The following TKTL1 variants were observed in gnomAD, a reference collection of about 807,000 sequenced individuals.
TKTL1 encodes the protein transketolase-like protein 1.
A neutral mutation model predicts 39.3 loss-of-function variants in TKTL1; 1 was observed. The observed-to-expected ratio is 0.03, with a 90% CI of 0.01 to 0.12. The LOEUF is 0.12. Among genes scored for constraint, TKTL1 ranks in the 10% least tolerant of loss-of-function variants. The pLI, the probability that TKTL1 is intolerant of heterozygous loss-of-function variation, is 1.00. For synonymous variants in TKTL1, 262 were observed against 193.8 expected (o/e 1.35, Z -2.92); for missense variants, 575 against 509.6 (o/e 1.13, Z -1.24).
At position 154,295,810 on chromosome X, in the gene TKTL1, G is replaced by A; in HGVS notation, c.-50G>A. On this transcript the variant is annotated 5_prime_UTR_variant, in exon 1 of 13. Coordinates refer to ENST00000369915, the MANE Select transcript of TKTL1 (RefSeq NM_012253.4). ...GCTCGCAGGCGCCATTCGCTCTTCA[G>A]ACGCCGGAGACGTAGGAGTGGGTCT... 1 of 1,188,849 alleles carries A rather than the reference G, an allele frequency of 8.4e-7. No homozygotes were observed. Among genetic ancestry groups the A allele is most frequent in the South Asian group, 1.9e-5 (1 of 54,039 alleles).
intron 1 of TKTL1, 64 bp downstream of exon 1, chrX:154,296,057 T>C (rs2067224675): frequency 8.6e-7 from 1 of 1,163,444 alleles, no homozygotes; most frequent in Non-Finnish European, 1.2e-6. Flanking sequence ...TCAGGCCTGG[T>C]GGCCATGAGG....
chrX:154,297,979 G>A (rs931364742), intron 1 of TKTL1, among the ~76,000 whole-genome samples: 2 of 111,650 alleles, frequency 1.8e-5, no homozygotes, highest in Non-Finnish European at 3.8e-5. Flanking sequence ...CAGTAATTAC[G>A]AATGAGGCTT....
intron 1 of TKTL1, among the ~76,000 whole-genome samples, chrX:154,297,243 G>A (rs113641304): frequency 2.2e-5 from 2 of 92,736 alleles, no homozygotes; most frequent in Admixed American, 2.1e-4. Context: ...TGGTCTACAG[G>A]TTTTTTTTGT....
At chrX:154,305,219 C>G in intron 1 of TKTL1, 85 bp from the exon 2 acceptor site, 1 of 1,183,506 alleles carries the variant, frequency 8.4e-7, no homozygotes, top group Non-Finnish European at 1.1e-6. Context: ...GAAATGACCG[C>G]TTCTATGAGG....
At chrX:154,310,755 G>A (rs782685952) in intron 3 of TKTL1, 81 bp from the exon 4 acceptor site, 39 of 904,746 alleles carry the variant, frequency 4.3e-5, no homozygotes, top group African/African-American at 1.0e-4. Context: ...AGTTGCGTCC[G>A]TTTCTCCTCC....
intron 6 of TKTL1, among the ~76,000 whole-genome samples, chrX:154,314,533 A>AT (rs201644388): frequency 3.9e-4 from 42 of 107,745 alleles, no homozygotes; most frequent in South Asian, 7.9e-4. Context: ...AAAACTCAAC[A>AT]TTTTTTTTTT....
At chrX:154,306,766 A>G (rs1461899227) in intron 2 of TKTL1, among the ~76,000 whole-genome samples, 1 of 109,490 alleles carries the variant, frequency 9.1e-6, no homozygotes, top group Non-Finnish European at 1.9e-5. Context: ...CCTCTTGAGT[A>G]GATGGCATTA....
intron 7 of TKTL1, among the ~76,000 whole-genome samples, chrX:154,319,680 A>G (rs950332101): frequency 9.2e-6 from 1 of 108,727 alleles, no homozygotes; most frequent in Non-Finnish European, 1.9e-5. Context: ...TGGAGGTTGC[A>G]GTGAGCCAAG....
intron 8 of TKTL1, among the ~76,000 whole-genome samples, chrX:154,322,680 T>C (rs782579229): frequency 1.8e-5 from 2 of 111,729 alleles, no homozygotes; most frequent in Non-Finnish European, 3.8e-5. Context: ...CTCTTTCACA[T>C]TTCTGGTGAG....
At position 154,320,681 on chromosome X, in the gene TKTL1, AT is replaced by A. The variant is rs781877197; in HGVS notation, c.1030-75del. 6 of 1,031,085 alleles carry A rather than the reference AT, an allele frequency of 5.8e-6. No individual in the cohort carries two copies. The South Asian group carries it at 9.6e-5, about 17-fold the overall frequency. 85.0% of individuals were successfully genotyped at this position (1,031,085 alleles called of 1,213,427 possible). On this transcript the variant is annotated intron_variant, in intron 7 of 12. Transcript: ENST00000369915. The stretch of plus-strand genomic sequence containing the variant: ...GTTCAGCAGGTGCAGAATGGGAGTT[AT>A]CATGGGGACTGTGGGAGAAGGGGCG...
At chrX:154,307,227 G>A (rs2067322102) in intron 2 of TKTL1, among the ~76,000 whole-genome samples, 1 of 110,924 alleles carries the variant, frequency 9.0e-6, no homozygotes, top group African/African-American at 3.3e-5. Flanking sequence ...CAAAAAAAAA[G>A]AAAAATCTAG....
chrX:154,303,379 A>ATTTTTTT (rs1172255094), intron 1 of TKTL1, among the ~76,000 whole-genome samples: 10 of 33,674 alleles, frequency 3.0e-4, no homozygotes, highest in Non-Finnish European at 4.6e-4. Context: ...TGCCCAGCTA[A>ATTTTTTT]TTTTTTTTTT....
chrX:154,327,040 T>A (rs2239468), intron 10 of TKTL1: 52,544 of 166,986 alleles, frequency 0.31, 8,594 homozygotes, highest in African/African-American at 0.7. Flanking sequence ...GAGGCAACAA[T>A]CTATGAAAGA....
At chrX:154,300,708 T>C (rs781893301) in intron 1 of TKTL1, among the ~76,000 whole-genome samples, 2 of 111,255 alleles carry the variant, frequency 1.8e-5, no homozygotes, top group South Asian at 3.8e-4. Flanking sequence ...TGTTTGTTTG[T>C]TTGCTTGTTT....
intron 7 of TKTL1, among the ~76,000 whole-genome samples, chrX:154,318,775 A>T (rs1245363655): frequency 1.0e-5 from 1 of 99,358 alleles, no homozygotes; most frequent in East Asian, 2.9e-4. Context: ...GTCTGTAATT[A>T]AAAAAAAAAA....
intron 7 of TKTL1, among the ~76,000 whole-genome samples, chrX:154,318,211 C>T (rs1262607451): frequency 9.0e-6 from 1 of 110,816 alleles, no homozygotes; most frequent in African/African-American, 3.3e-5. Context: ...TGGGAGCCGC[C>T]ATGCTTGGCC....
chrX:154,309,306 G>A (rs782249132), intron 2 of TKTL1, 39 bp from the exon 3 acceptor site: 4 of 1,117,165 alleles, frequency 3.6e-6, no homozygotes, highest in Non-Finnish European at 4.9e-6. Context: ...ACCATGTCCT[G>A]CAGCTGCGTC....
Position 154,315,250 on chromosome X carries a change from T to G in TKTL1, c.942T>G (p.Gly314=). Residue 314 remains glycine (G), a synonymous_variant, in exon 7 of 13, where the codon GGT becomes GGG. Coordinates refer to ENST00000369915, the MANE Select transcript of TKTL1 (RefSeq NM_012253.4). ...ACAACAGAGTCGTTGTGCTGGATGGTGACACCAGGTACTCTACTTTCTCTG... is the reference window on the plus strand; with the variant it reads ...ACAACAGAGTCGTTGTGCTGGATGGGGACACCAGGTACTCTACTTTCTCTG... ...YANNRVVVLD[G]DTRYSTFSEI... 1 of 1,211,056 alleles carries G rather than the reference T, an allele frequency of 8.3e-7. No individual in the cohort carries two copies. The highest frequency in any genetic ancestry group is 1.1e-6 in the Non-Finnish European group (1 of 895,010).
intron 1 of TKTL1, among the ~76,000 whole-genome samples, chrX:154,299,159 T>C (rs2067253882): frequency 1.0e-5 from 1 of 96,029 alleles, no homozygotes; most frequent in Non-Finnish European, 2.1e-5. Context: ...CTTTTTTTTT[T>C]TTTTTTTTTT....
Sources: gnomAD v4.1 joint callset for allele counts (sites outside exome capture counted in the v4.1 genomes callset) on GRCh38, gnomAD v4.1.1 for gene constraint, MANE v1.5 for transcripts, NCBI Gene and HGNC (gene_info 2026-07-23, HGNC 2026-07-21) for gene names.